The following CACNA1A variants were observed in gnomAD, a reference collection of about 807,000 sequenced individuals.
CACNA1A encodes voltage-dependent P/Q-type calcium channel subunit alpha-1A.
Under a neutral mutation model 262.4 loss-of-function variants are expected in CACNA1A, and 57 were observed. The observed-to-expected ratio is 0.22, with a 90% confidence interval of 0.18 to 0.27. The LOEUF is 0.27. Among genes scored for constraint, CACNA1A ranks in the 10% least tolerant of loss-of-function variants. The pLI is 1.00. For synonymous variants in CACNA1A, 1,431 were observed against 1,419.3 expected (o/e 1.01, Z -0.18); for missense variants, 2,526 against 3,562.8 (o/e 0.71, Z 7.41).
rs1982066605 is a variant in CACNA1A at position 13,499,347 on chromosome 19, G to A, written c.293+6585C>T. Among the ~76,000 whole-genome samples, 3 of 148,996 alleles carry A rather than the reference G, an allele frequency of 2.0e-5. No homozygotes were observed. The South Asian group carries it at 6.3e-4, about 31-fold the overall frequency. ...AGTGGCCACGAATTTTTTTTCCCCT[G>A]AAAGCTTCCAGAGAGAACGGAGAAT... On this transcript the variant is annotated intron_variant, in intron 1 of 46. Transcript: ENST00000360228.
In CACNA1A at chr19:13,258,600, C is replaced by T. The variant is rs528951581; in HGVS notation, c.4388+964G>A. The T allele has an allele frequency of 2.0e-5, 3 of 152,286 alleles. No homozygotes were observed. In the East Asian group the frequency reaches 5.8e-4, roughly 29 times the overall value. The allele number at this position is 152,286 out of a possible 1,614,324, so 9.4% of individuals were successfully genotyped here. On this transcript the variant is annotated intron_variant, in intron 27 of 46. Transcript: ENST00000360228. Reference sequence around the variant, plus strand: ...TTAAAAAAACTTTGCTCAAAGGTGCCTTGTGGGTTAGCATTATTCCCACAT... The same window carrying T: ...TTAAAAAAACTTTGCTCAAAGGTGCTTTGTGGGTTAGCATTATTCCCACAT...
chr19:13,413,718 A>C (rs1000909550), intron 3 of CACNA1A, among the ~76,000 whole-genome samples: 5 of 142,930 alleles, frequency 3.5e-5, no homozygotes, highest in African/African-American at 1.3e-4. Flanking sequence ...GTCTCTACTA[A>C]AAAAAAAAAA....
intron 1 of CACNA1A, among the ~76,000 whole-genome samples, chr19:13,463,798 G>T (rs1245835085): frequency 6.6e-6 from 1 of 152,200 alleles, no homozygotes; most frequent in Non-Finnish European, 1.5e-5. Context: ...ACTCAGGGCT[G>T]CTAAATCATG....
intron 7 of CACNA1A, 80 bp downstream of exon 7, chr19:13,335,726 A>C: frequency 2.1e-6 from 2 of 935,736 alleles, no homozygotes; most frequent in Non-Finnish European, 3.4e-6. Context: ...GAATGAAAAC[A>C]AAGCTTCAAT....
At chr19:13,392,605 C>T (rs2059729160) in intron 3 of CACNA1A, among the ~76,000 whole-genome samples, 1 of 152,248 alleles carries the variant, frequency 6.6e-6, no homozygotes, top group South Asian at 2.1e-4. Flanking sequence ...CTCTCATTCA[C>T]AGGTGGTGGG....
intron 3 of CACNA1A, among the ~76,000 whole-genome samples, chr19:13,384,816 G>A (rs2059582015): frequency 6.6e-6 from 1 of 152,186 alleles, no homozygotes; most frequent in South Asian, 2.1e-4. Flanking sequence ...AGTAAAGGAT[G>A]AAGAATGCAT....
chr19:13,243,801 C>T lies in CACNA1A; in HGVS notation c.4950+1381G>A, dbSNP rs536667346. On this transcript the variant is annotated intron_variant, in intron 31 of 46. Coordinates refer to ENST00000360228, the MANE Select transcript of CACNA1A (RefSeq NM_001127222.2). ...CTTGAACTCCTGGCCTCAGGTGATC[C>T]GCCGGCTTCGGCCTCCCAAAGTGCT... 102 of 152,378 alleles carry T rather than the reference C, an allele frequency of 6.7e-4. 1 individual carries two copies. The highest frequency in any genetic ancestry group is 2.3e-3 in the African/African-American group (94 of 41,536). 9.4% of individuals were successfully genotyped at this position (152,378 alleles called of 1,614,324 possible).
At chr19:13,319,181 A>G (rs2058194496) in intron 10 of CACNA1A, among the ~76,000 whole-genome samples, 1 of 152,174 alleles carries the variant, frequency 6.6e-6, no homozygotes, top group African/African-American at 2.4e-5. Context: ...AGCATGAATT[A>G]CCATGCCCAG....
At chr19:13,333,280 T>C (rs2058497576) in intron 8 of CACNA1A, among the ~76,000 whole-genome samples, 1 of 152,132 alleles carries the variant, frequency 6.6e-6, no homozygotes, top group Non-Finnish European at 1.5e-5. Context: ...CTCAAATACG[T>C]TCCTAGCTCA....
In CACNA1A at chr19:13,245,137, C is replaced by G. The variant is rs199845426; in HGVS notation, c.4950+45G>C. On this transcript the variant is annotated intron_variant, in intron 31 of 46. Coordinates refer to ENST00000360228, the MANE Select transcript of CACNA1A (RefSeq NM_001127222.2). ...CTCCCCCGCCCCCTGCCGCCTGCCT[C>G]GTCCAGCCCAGAGTCACCCAGAGAG... is the stretch of plus-strand genomic sequence containing the variant. 3.3e-6 allele frequency: 5 copies of G among 1,506,526 alleles called. No homozygotes were observed. The Admixed American group carries it at 5.0e-5, about 15-fold the overall frequency. The allele number at this position is 1,506,526 out of a possible 1,614,324, so 93.3% of individuals were successfully genotyped here.
intron 6 of CACNA1A, among the ~76,000 whole-genome samples, chr19:13,347,059 G>GTTTTTTTT (rs1207564258): frequency 1.2e-4 from 7 of 58,392 alleles, no homozygotes; most frequent in African/African-American, 2.1e-4. Flanking sequence ...TGTTTTTTTT[G>GTTTTTTTT]TTTTTTTGTT....
At chr19:13,292,156 C>T (rs527329032) in intron 19 of CACNA1A, among the ~76,000 whole-genome samples, 52 of 152,296 alleles carry the variant, frequency 3.4e-4, no homozygotes, top group African/African-American at 1.0e-3. Flanking sequence ...TTTGTCCACC[C>T]TGCAGGGCCA....
chr19:13,429,528 G>A (rs1209590723), intron 3 of CACNA1A, among the ~76,000 whole-genome samples: 2 of 90,998 alleles, frequency 2.2e-5, no homozygotes, highest in Admixed American at 1.4e-4. Context: ...GTTTCAAAGC[G>A]TCCAAAAAAA....
chr19:13,278,650 G>A (rs1198333975), intron 22 of CACNA1A, among the ~76,000 whole-genome samples: 1 of 152,112 alleles, frequency 6.6e-6, no homozygotes, highest in Admixed American at 6.5e-5. Flanking sequence ...GCCCCACAAG[G>A]ACAGGGATGT....
At position 13,240,533 on chromosome 19, in the gene CACNA1A, T is replaced by C. The variant is rs111211982; in HGVS notation, c.4950+4649A>G. ...ACATAGTGACTGTGCACAGTGTGTG[T>C]GCATAGTGGTGTGTGCAGTGTGTGC... On this transcript the variant is annotated intron_variant, in intron 31 of 46. Coordinates refer to ENST00000360228, the MANE Select transcript of CACNA1A (RefSeq NM_001127222.2). 1.6e-3 allele frequency among the ~76,000 whole-genome samples: 236 copies of C among 151,076 alleles called. 3 individuals are homozygous for C. Among genetic ancestry groups the C allele is most frequent in the African/African-American group, 5.5e-3 (228 of 41,102 alleles).
At chr19:13,464,323 T>C (rs180844285) in intron 1 of CACNA1A, among the ~76,000 whole-genome samples, 4 of 152,222 alleles carry the variant, frequency 2.6e-5, no homozygotes, top group Admixed American at 1.3e-4. Flanking sequence ...TGCTTGAACC[T>C]GGGAATTTGA....
intron 35 of CACNA1A, among the ~76,000 whole-genome samples, chr19:13,231,432 A>G (rs2144628302): frequency 6.6e-6 from 1 of 152,016 alleles, no homozygotes; most frequent in African/African-American, 2.4e-5. Context: ...CAACAGGAGG[A>G]ACGGGTGGCG....
intron 3 of CACNA1A, among the ~76,000 whole-genome samples, chr19:13,398,426 A>G (rs570948450): frequency 1.9e-4 from 29 of 152,358 alleles, no homozygotes; most frequent in African/African-American, 7.0e-4. Context: ...ACACTTGGGC[A>G]GGTAAATTGT....
At chr19:13,389,381 T>C (rs2059673823) in intron 3 of CACNA1A, among the ~76,000 whole-genome samples, 1 of 152,112 alleles carries the variant, frequency 6.6e-6, no homozygotes, top group Non-Finnish European at 1.5e-5. Context: ...AGCATTCTCG[T>C]ACCTGCCCCT....
Sources: gnomAD v4.1 joint callset for allele counts (sites outside exome capture counted in the v4.1 genomes callset) on GRCh38, gnomAD v4.1.1 for gene constraint, MANE v1.5 for transcripts, NCBI Gene and HGNC (gene_info 2026-07-23, HGNC 2026-07-21) for gene names.